CSMD1: variants seen among roughly 807,000 people sequenced by gnomAD.
CSMD1 encodes the protein CUB and Sushi multiple domains 1, also known as CUB and sushi domain-containing protein 1.
CSMD1 carries 213 observed loss-of-function variants against 417.5 expected under a neutral mutation model. That is an observed-to-expected ratio of 0.51 (90% confidence interval 0.46 to 0.57). The LOEUF (loss-of-function observed/expected upper bound fraction) is 0.57, where lower values mean the gene tolerates loss of function less well. Among genes scored for constraint, CSMD1 ranks in the 20% least tolerant of loss-of-function variants. The pLI, the probability that CSMD1 is intolerant of heterozygous loss-of-function variation, is 0.00. For missense variants in CSMD1, 6,923 were observed against 4,529.7 expected (o/e 1.53, Z -15.17); for synonymous variants, 2,862 against 1,736.8 (o/e 1.65, Z -16.11).
At chr8:4,402,532 C>T (rs551593499) in intron 3 of CSMD1, among the ~76,000 whole-genome samples, 1 of 152,178 alleles carries the variant, frequency 6.6e-6, no homozygotes, top group African/African-American at 2.4e-5. Flanking sequence ...AAATTATGCT[C>T]AATTCTCACA....
chr8:3,407,753 T>C lies in CSMD1; in HGVS notation c.2071+146A>G, dbSNP rs561449968. ...TGTTTTTAAGTTTTCAGGATAACAC[T>C]ATAATTTTACTACTGTCATTTTCAT... On this transcript the variant is annotated intron_variant, in intron 14 of 69. Transcript: ENST00000635120. 21 of 755,754 alleles carry C rather than the reference T, an allele frequency of 2.8e-5. No homozygotes were observed. The South Asian group carries it at 3.6e-4, about 13-fold the overall frequency. The allele number at this position is 755,754 out of a possible 1,614,324, so 46.8% of individuals were successfully genotyped here.
chr8:3,142,591 G>A lies in CSMD1; in HGVS notation c.6115C>T (p.Pro2039Ser), dbSNP rs1184156839. The change falls in exon 41 of 70, where the codon CCC (proline) becomes TCC (serine). Residue 2039 changes from proline to serine, a missense_variant. Physicochemically the swap from Pro to Ser is moderately conservative, Grantham distance 74. Coordinates refer to ENST00000635120, the MANE Select transcript of CSMD1 (RefSeq NM_033225.6). ...GTGCCGCTAAATTGTCCAATCATGG[G>A]GCTGGTGTGGTAAGGTCCATTTTGA... The part of the protein sequence containing the change: ...EIQNGPYHTS[P>S]MIGQFSGTDL... The A allele has an allele frequency of 6.2e-7, 1 of 1,613,836 alleles. No individual in the cohort carries two copies. The highest frequency in any genetic ancestry group is 1.3e-5 in the African/African-American group (1 of 74,918).
At chr8:3,535,931 G>A (rs1053423788) in intron 10 of CSMD1, among the ~76,000 whole-genome samples, 2 of 152,110 alleles carry the variant, frequency 1.3e-5, no homozygotes, top group South Asian at 4.1e-4. Context: ...AAGGCTAGCA[G>A]GAGAAGCCCC....
chr8:4,679,724 A>C (rs1805918215), intron 1 of CSMD1, among the ~76,000 whole-genome samples: 1 of 152,224 alleles, frequency 6.6e-6, no homozygotes. Flanking sequence ...TGGATTTGAA[A>C]TTTATTAGTT....
intron 5 of CSMD1, among the ~76,000 whole-genome samples, chr8:3,919,730 G>C (rs1049050336): frequency 2.0e-5 from 3 of 152,122 alleles, no homozygotes; most frequent in Admixed American, 1.3e-4. Flanking sequence ...GCGTAGTATG[G>C]ACATTTTAAA....
intron 26 of CSMD1, among the ~76,000 whole-genome samples, chr8:3,244,427 C>T (rs1037164686): frequency 6.6e-6 from 1 of 152,114 alleles, no homozygotes; most frequent in Non-Finnish European, 1.5e-5. Flanking sequence ...AGAGACCATC[C>T]CTTTTTAATG....
At chr8:3,017,678 T>C (rs1165891117) in intron 52 of CSMD1, among the ~76,000 whole-genome samples, 1 of 151,982 alleles carries the variant, frequency 6.6e-6, no homozygotes, top group Non-Finnish European at 1.5e-5. Context: ...CTTCAAATTC[T>C]CCCAAATGAA....
chr8:4,751,757 T>C (rs1264373069), intron 1 of CSMD1, among the ~76,000 whole-genome samples: 3 of 152,198 alleles, frequency 2.0e-5, no homozygotes, highest in African/African-American at 2.4e-5. Context: ...GCTTGGTGTC[T>C]GACATTGAGG....
intron 66 of CSMD1, 125 bp downstream of exon 66, chr8:2,950,989 A>G: frequency 1.1e-6 from 1 of 871,164 alleles, no homozygotes; most frequent in East Asian, 2.7e-5. Flanking sequence ...CCAATGAGTT[A>G]CAGTATATAC....
chr8:4,060,970 TAAGAC>T (rs1031136951), intron 3 of CSMD1, among the ~76,000 whole-genome samples: 4 of 152,178 alleles, frequency 2.6e-5, no homozygotes, highest in Admixed American at 2.6e-4. Flanking sequence ...AGGAAAGAGA[TAAGAC>T]AAGCTGCTTG....
At chr8:4,268,420 ATTG>A (rs947065425) in intron 3 of CSMD1, among the ~76,000 whole-genome samples, 5 of 152,262 alleles carry the variant, frequency 3.3e-5, no homozygotes, top group African/African-American at 1.2e-4. Flanking sequence ...GCAGTGACCA[ATTG>A]TTGTTTATAG....
rs2195638 is a variant in CSMD1, at chr8:4,481,426, G to C, written c.303-61361C>G. Among the ~76,000 whole-genome samples, 618 of 152,320 alleles carry C rather than the reference G, an allele frequency of 4.1e-3. 4 individuals carry two copies. The highest frequency in any genetic ancestry group is 0.014 in the African/African-American group (581 of 41,574). On this transcript the variant is annotated intron_variant, in intron 2 of 69. Transcript: ENST00000635120. ...ACCTTGGATCACAGTTGAATTGGCA[G>C]TGTTTTATTTTTTCTTAGTGGGAGA...
chr8:4,420,146 A>G, intron 2 of CSMD1, 81 bp from the exon 3 acceptor site: 2 of 908,854 alleles, frequency 2.2e-6, no homozygotes, highest in South Asian at 2.9e-5. Context: ...GTCACTGAAT[A>G]ACTTGAACAG....
chr8:3,867,394 C>A lies in CSMD1; in HGVS notation c.819-113352G>T, dbSNP rs575656989. Among the ~76,000 whole-genome samples the A allele has an allele frequency of 3.9e-5, 6 of 152,214 alleles. 1 individual carries two copies. In the East Asian group the frequency reaches 1.2e-3, roughly 29 times the overall value. ...CTTTATAATACCCCAAATTTCCATT[C>A]TTTTCTTTTAAGGATACTTACTCAG... On this transcript the variant is annotated intron_variant, in intron 5 of 69. Transcript: ENST00000635120.
intron 7 of CSMD1, among the ~76,000 whole-genome samples, chr8:3,689,862 G>A (rs946817492): frequency 6.6e-6 from 1 of 152,156 alleles, no homozygotes; most frequent in East Asian, 1.9e-4. Flanking sequence ...CTTTAAATCA[G>A]ATATTTCCTC....
chr8:3,006,482 A>G (rs1807914458), intron 52 of CSMD1, among the ~76,000 whole-genome samples: 1 of 152,170 alleles, frequency 6.6e-6, no homozygotes, highest in Non-Finnish European at 1.5e-5. Context: ...CTAAGCCAAA[A>G]GAACAAAGCT....
intron 5 of CSMD1, among the ~76,000 whole-genome samples, chr8:3,839,183 A>G (rs577061836): frequency 3.2e-5 from 4 of 126,780 alleles, no homozygotes; most frequent in African/African-American, 1.2e-4. Flanking sequence ...ATATTTATAT[A>G]TAATAAATAA....
chr8:4,676,412 A>G (rs1387311556), intron 1 of CSMD1, among the ~76,000 whole-genome samples: 2 of 151,918 alleles, frequency 1.3e-5, no homozygotes, highest in Non-Finnish European at 2.9e-5. Flanking sequence ...CCACCCCTCA[A>G]CCACTTCTGG....
At position 4,004,920 on chromosome 8, in the gene CSMD1, A is replaced by AT. The variant is rs540989403; in HGVS notation, c.611-6811dup. On this transcript the variant is annotated intron_variant, in intron 4 of 69. Transcript: ENST00000635120. Reference sequence around the variant, plus strand: ...CCACCATGCCCAGCTAATTTTTTGTATTTTTAGTAGAGACAGGGTTTCACC... The same window carrying AT: ...CCACCATGCCCAGCTAATTTTTTGTATTTTTTAGTAGAGACAGGGTTTCACC... Among the ~76,000 whole-genome samples, 8 of 151,926 alleles carry AT rather than the reference A, an allele frequency of 5.3e-5. No homozygotes were observed. In the South Asian group the frequency reaches 1.7e-3, roughly 32 times the overall value.
Sources: allele counts gnomAD v4.1 joint callset (sites outside exome capture counted in the v4.1 genomes callset), GRCh38; gene constraint gnomAD v4.1.1; transcripts MANE v1.5; gene names NCBI Gene and HGNC (gene_info 2026-07-23, HGNC 2026-07-21).